The following ELP4 variants were observed in gnomAD, a reference collection of about 807,000 sequenced individuals.
ELP4 encodes elongator acetyltransferase complex subunit 4.
ELP4 carries 51 observed loss-of-function variants against 48.9 expected under a neutral mutation model. The ratio of observed to expected loss-of-function variants is 1.04; its 90% confidence interval spans 0.83 to 1.32. The LOEUF is 1.32. Ranked by LOEUF, ELP4 falls within the 40% of genes most tolerant of loss-of-function variation. The pLI, the probability that ELP4 is intolerant of heterozygous loss-of-function variation, is 0.00. For missense variants in ELP4, 519 were observed against 514.6 expected (o/e 1.01, Z -0.08); for synonymous variants, 210 against 189.2 (o/e 1.11, Z -0.90).
chr11:31,627,074 C>G, intron 5 of ELP4, 36 bp from the exon 6 acceptor site: 1 of 1,175,534 alleles, frequency 8.5e-7, no homozygotes. Context: ...ATGTAATAAC[C>G]CATTTATGTA....
intron 3 of ELP4, among the ~76,000 whole-genome samples, chr11:31,577,597 C>T (rs1019158813): frequency 8.6e-5 from 13 of 151,962 alleles, no homozygotes; most frequent in East Asian, 1.9e-4. Flanking sequence ...TTATACACCA[C>T]GATCAAGTTG....
At chr11:31,538,333 TACTC>T (rs905011502) in intron 2 of ELP4, among the ~76,000 whole-genome samples, 2 of 148,288 alleles carry the variant, frequency 1.3e-5, no homozygotes, top group Non-Finnish European at 3.0e-5. Context: ...TAATTATAAT[TACTC>T]TATTATATTG....
chr11:31,648,638 C>T (rs192587852), intron 8 of ELP4: 6 of 151,618 alleles, frequency 4.0e-5, no homozygotes, highest in Non-Finnish European at 8.9e-5. Context: ...TACCATACTT[C>T]TGTGGAAACC....
At chr11:31,768,327 C>T (rs564694139) in intron 9 of ELP4, among the ~76,000 whole-genome samples, 4 of 152,218 alleles carry the variant, frequency 2.6e-5, no homozygotes, top group African/African-American at 4.8e-5. Context: ...AAGTGAAATA[C>T]ACACTGCCTA....
chr11:31,733,035 C>G (rs1947227282), intron 9 of ELP4, among the ~76,000 whole-genome samples: 1 of 152,152 alleles, frequency 6.6e-6, no homozygotes, highest in Admixed American at 6.5e-5. Flanking sequence ...AAACAGAGGA[C>G]TTGAACAACA....
chr11:31,741,363 G>T (rs528390284), intron 9 of ELP4, among the ~76,000 whole-genome samples: 1 of 152,182 alleles, frequency 6.6e-6, no homozygotes, highest in African/African-American at 2.4e-5. Context: ...CTCTGCAGAC[G>T]TAAATGTCCC....
rs767709719 is a variant in ELP4, at chr11:31,509,820, G to A, written c.36G>A (p.Ala12=). Residue 12 remains alanine, a synonymous_variant, in exon 1 of 10, where the codon GCG becomes GCA. Transcript: ENST00000640961. ...AAVATCGSVA[A]STGSAVATAS... The stretch of plus-strand genomic sequence containing the variant: ...TGGCAACCTGCGGTAGTGTTGCCGC[G>A]AGTACTGGGTCTGCAGTGGCGACAG... 5.6e-6 allele frequency: 9 copies of A among 1,614,034 alleles called. No homozygotes were observed. In the Admixed American group the frequency reaches 1.2e-4, roughly 21 times the overall value.
chr11:31,682,571 AC>A (rs1946076067), intron 9 of ELP4, among the ~76,000 whole-genome samples: 1 of 152,102 alleles, frequency 6.6e-6, no homozygotes, highest in African/African-American at 2.4e-5. Flanking sequence ...TCATTTTTGT[AC>A]ATTTTGTATG....
At chr11:31,682,342 T>C (rs1394918457) in intron 9 of ELP4, among the ~76,000 whole-genome samples, 1 of 152,142 alleles carries the variant, frequency 6.6e-6, no homozygotes, top group African/African-American at 2.4e-5. Flanking sequence ...CTGCTATTGT[T>C]AGAAAAGTGC....
At chr11:31,754,543 G>A (rs1947794181) in intron 9 of ELP4, among the ~76,000 whole-genome samples, 1 of 151,948 alleles carries the variant, frequency 6.6e-6, no homozygotes, top group Admixed American at 6.6e-5. Flanking sequence ...GACCTTCTCA[G>A]AAAGGCTTTC....
intron 9 of ELP4, among the ~76,000 whole-genome samples, chr11:31,679,242 T>G (rs1946004821): frequency 6.6e-6 from 1 of 152,208 alleles, no homozygotes; most frequent in Non-Finnish European, 1.5e-5. Flanking sequence ...TACCATAATC[T>G]ATATTCATGT....
chr11:31,775,108 C>T (rs990244026), intron 9 of ELP4, among the ~76,000 whole-genome samples: 2 of 152,210 alleles, frequency 1.3e-5, no homozygotes, highest in African/African-American at 4.8e-5. Context: ...AGCAAGAATG[C>T]AAATAAAGGA....
At chr11:31,548,904 A>T (rs1268813432) in intron 3 of ELP4, among the ~76,000 whole-genome samples, 1 of 152,082 alleles carries the variant, frequency 6.6e-6, no homozygotes, top group East Asian at 1.9e-4. Context: ...CCTATTTAAT[A>T]AATGGTGCTG....
At position 31,636,676 on chromosome 11, in the gene ELP4, A is replaced by G. The variant is rs546742742; in HGVS notation, c.927+4271A>G. Among the ~76,000 whole-genome samples, 3 of 152,062 alleles carry G rather than the reference A, an allele frequency of 2.0e-5. No individual in the cohort carries two copies. The South Asian group carries it at 6.2e-4, about 31-fold the overall frequency. On this transcript the variant is annotated intron_variant, in intron 7 of 9. Coordinates refer to ENST00000640961, the MANE Select transcript of ELP4 (RefSeq NM_019040.5). ...AATAAGACTTTTGTGAGTAGAATGA[A>G]GAAGACTTATTTTTTAATTTGCATT... is the stretch of plus-strand genomic sequence containing the variant.
At chr11:31,698,381 A>T (rs1466632901) in intron 9 of ELP4, among the ~76,000 whole-genome samples, 1 of 152,066 alleles carries the variant, frequency 6.6e-6, no homozygotes, top group Non-Finnish European at 1.5e-5. Context: ...TACATTTCCT[A>T]TGTATATGCT....
At chr11:31,735,165 A>AG in intron 9 of ELP4, among the ~76,000 whole-genome samples, 1 of 151,586 alleles carries the variant, frequency 6.6e-6, no homozygotes, top group African/African-American at 2.4e-5. Flanking sequence ...TTGGCAAAAA[A>AG]AAAAAAAACA....
At chr11:31,756,144 C>T (rs573673125) in intron 9 of ELP4, among the ~76,000 whole-genome samples, 1 of 152,308 alleles carries the variant, frequency 6.6e-6, no homozygotes, top group South Asian at 2.1e-4. Flanking sequence ...CTTCACTTGC[C>T]TGGATTGCTG....
chr11:31,688,068 C>T (rs1318679845), intron 9 of ELP4, among the ~76,000 whole-genome samples: 2 of 152,174 alleles, frequency 1.3e-5, no homozygotes, highest in African/African-American at 4.8e-5. Context: ...CTTCCTGATG[C>T]TCTGAGTCTG....
chr11:31,570,869 G>A (rs1280310988), intron 3 of ELP4, among the ~76,000 whole-genome samples: 4 of 136,282 alleles, frequency 2.9e-5, no homozygotes, highest in East Asian at 2.1e-4. Flanking sequence ...GCACCATCTC[G>A]GCTCACTGCA....
Sources: gnomAD v4.1 joint callset for allele counts (sites outside exome capture counted in the v4.1 genomes callset) on GRCh38, gnomAD v4.1.1 for gene constraint, MANE v1.5 for transcripts, NCBI Gene and HGNC (gene_info 2026-07-23, HGNC 2026-07-21) for gene names.